Variants in SPMIP1 observed in about 807,000 individuals in gnomAD.
SPMIP1 encodes protein SPMIP1.
the SPMIP1 span, chr7:128,866,831 G>A: frequency 6.5e-6 from 10 of 1,531,090 alleles, no homozygotes; most frequent in Non-Finnish European, 8.7e-6. Flanking sequence ...TGGCAGCTGG[G>A]TGAGCCCAAC....
the SPMIP1 span, chr7:128,866,365 C>T: frequency 1.4e-6 from 2 of 1,451,114 alleles, no homozygotes; most frequent in East Asian, 2.5e-5. Context: ...GCTGTGCTCA[C>T]CCCTCAGCTG....
At chr7:128,867,351 G>C in the SPMIP1 span, among the ~76,000 whole-genome samples, 1 of 152,204 alleles carries the variant, frequency 6.6e-6, no homozygotes, top group Non-Finnish European at 1.5e-5. Context: ...AGAATAAGGG[G>C]AAGAGAGATC....
chr7:128,868,658 T>G, the SPMIP1 span: 2 of 1,529,916 alleles, frequency 1.3e-6, no homozygotes, highest in African/African-American at 2.7e-5. Context: ...TCTGACATCT[T>G]TTCCCAGGCC....
chr7:128,867,247 G>C, the SPMIP1 span, among the ~76,000 whole-genome samples: 1 of 152,230 alleles, frequency 6.6e-6, no homozygotes, highest in African/African-American at 2.4e-5. Flanking sequence ...TGGTTATCCT[G>C]TGGTAGTGGC....
At chr7:128,866,715 C>T in the SPMIP1 span, 5 of 1,535,812 alleles carry the variant, frequency 3.3e-6, no homozygotes, top group South Asian at 4.8e-5. Context: ...TGTATGAAGG[C>T]ATCTCCCACG....
chr7:128,869,718 C>A, the SPMIP1 span: 2 of 152,216 alleles, frequency 1.3e-5, no homozygotes, highest in East Asian at 3.8e-4. Flanking sequence ...ACCTGCTGCG[C>A]CGCGCTTAAG....
the SPMIP1 span, among the ~76,000 whole-genome samples, chr7:128,867,097 C>T: frequency 6.6e-6 from 1 of 152,154 alleles, no homozygotes; most frequent in Admixed American, 6.5e-5. Flanking sequence ...ATTTGTTGTG[C>T]AGGGAAGCTG....
At chr7:128,868,739 C>G in the SPMIP1 span, 1 of 1,535,690 alleles carries the variant, frequency 6.5e-7, no homozygotes, top group Non-Finnish European at 8.7e-7. Flanking sequence ...AGAACGGGGC[C>G]TTCGCACTGC....
At chr7:128,869,415 TC>T in the SPMIP1 span, 2 of 152,714 alleles carry the variant, frequency 1.3e-5, no homozygotes, top group African/African-American at 4.8e-5. Flanking sequence ...CCGCGCAGGC[TC>T]CTTGTGGCCC....
At chr7:128,868,914 C>G in the SPMIP1 span, 4 of 587,656 alleles carry the variant, frequency 6.8e-6, no homozygotes. Flanking sequence ...AACTATCAGA[C>G]CTGCAAGTTG....
At chr7:128,870,646 G>C in the SPMIP1 span, 1 of 152,280 alleles carries the variant, frequency 6.6e-6, no homozygotes, top group Non-Finnish European at 1.5e-5. Context: ...GGGAGGGCAG[G>C]TCCCCCGGCC....
chr7:128,870,314 ATCT>A, the SPMIP1 span: 15,118 of 152,546 alleles, frequency 0.099, 1,365 homozygotes, highest in East Asian at 0.32. Context: ...AGACCGCAGC[ATCT>A]TCTTCCCTGG....
At chr7:128,866,603 C>T in the SPMIP1 span, 16 of 1,533,494 alleles carry the variant, frequency 1.0e-5, no homozygotes, top group African/African-American at 4.1e-5. Context: ...CTCTCACCCC[C>T]ACCCGCCCCC....
the SPMIP1 span, chr7:128,866,598 A>AAAC: frequency 7.0e-7 from 1 of 1,431,902 alleles, no homozygotes; most frequent in Non-Finnish European, 9.2e-7. Flanking sequence ...CCCCACTCTC[A>AAAC]CCCCCACCCG....
At chr7:128,866,754 CA>C in the SPMIP1 span, 1 of 1,536,152 alleles carries the variant, frequency 6.5e-7, no homozygotes, top group South Asian at 1.2e-5. Context: ...GCTACCTCAA[CA>C]CTCGAAAACT....
chr7:128,866,655 G>A, the SPMIP1 span: 25 of 1,531,066 alleles, frequency 1.6e-5, no homozygotes, highest in African/African-American at 1.3e-4. Flanking sequence ...TCCCAGAGGC[G>A]CCTTTTCAGT....
chr7:128,867,655 T>C, the SPMIP1 span, among the ~76,000 whole-genome samples: 1 of 152,114 alleles, frequency 6.6e-6, no homozygotes, highest in African/African-American at 2.4e-5. Context: ...CACTGCAACC[T>C]CTGCCTCCCA....
At chr7:128,866,336 C>T in the SPMIP1 span, 16,601 of 1,236,950 alleles carry the variant, frequency 0.013, 1,065 homozygotes, top group African/African-American at 0.16. Context: ...AGCCACTCGC[C>T]GTCAGAAGCA....
At chr7:128,868,052 G>A in the SPMIP1 span, among the ~76,000 whole-genome samples, 1 of 152,210 alleles carries the variant, frequency 6.6e-6, no homozygotes, top group Non-Finnish European at 1.5e-5. Context: ...AGGGAGCTGA[G>A]CTGAGGCAGT....
Sources: allele counts gnomAD v4.1 joint callset (sites outside exome capture counted in the v4.1 genomes callset), GRCh38; gene constraint gnomAD v4.1.1; transcripts MANE v1.5; gene names NCBI Gene and HGNC (gene_info 2026-07-23, HGNC 2026-07-21).